RGS19: variants seen among roughly 807,000 people sequenced by gnomAD.
RGS19 encodes regulator of G protein signaling 19, also known as G alpha interacting protein.
In RGS19, 9 loss-of-function variants were observed where a neutral mutation model predicts 22.0. The observed-to-expected ratio is 0.41, with a 90% CI of 0.25 to 0.71. The LOEUF is 0.71. RGS19 is among the 30% of genes least tolerant of loss of function. The probability of loss-of-function intolerance (pLI) is 0.32; values close to 1 mark genes in which losing one functional copy is unlikely to be tolerated. For synonymous variants in RGS19, 130 were observed against 127.3 expected (o/e 1.02, Z -0.14); for missense variants, 256 against 307.1 (o/e 0.83, Z 1.24).
In RGS19 at chr20:64,074,392, G is replaced by T; in HGVS notation, c.228-14C>A. On this transcript the variant is annotated splice_polypyrimidine_tract_variant and intron_variant, in intron 4 of 5. Transcript: ENST00000395042. ...CTTGGCGTGGCACTGTGGGCACGGG[G>T]GCCAGGCTATGTCAGGCCCGAGTCT... is the stretch of plus-strand genomic sequence containing the variant. The T allele has an allele frequency of 6.3e-7, 1 of 1,598,546 alleles. No homozygotes were observed.
In RGS19 at chr20:64,074,643, C is replaced by T; in HGVS notation, c.153-102G>A. On this transcript the variant is annotated intron_variant, in intron 3 of 5. Transcript: ENST00000395042. Reference sequence around the variant, plus strand: ...GGCACCTGACACACATGGGCACCCACTGCAGGAGGGCAGCCCCTGCAGGCA... The same window carrying T: ...GGCACCTGACACACATGGGCACCCATTGCAGGAGGGCAGCCCCTGCAGGCA... 6 of 1,140,050 alleles carry T rather than the reference C, an allele frequency of 5.3e-6. No homozygotes were observed. In the South Asian group the frequency reaches 9.2e-5, roughly 17 times the overall value. The allele number at this position is 1,140,050 out of a possible 1,614,324, so 70.6% of individuals were successfully genotyped here. A position where few individuals can be genotyped will look rare whatever the true frequency, so the allele number is the denominator to read the frequency against.
Position 64,076,510 on chromosome 20 carries a change from C to G in RGS19, c.152+15G>C. ...TCGACCCCCTCGCCAGCTGGGCACC[C>G]CAGGCCCTACTCACCAGGAGCAGCT... is the stretch of plus-strand genomic sequence containing the variant. On this transcript the variant is annotated intron_variant, in intron 3 of 5. Transcript: ENST00000395042. 6.2e-7 allele frequency: 1 copy of G among 1,612,614 alleles called. No individual in the cohort carries two copies.
chr20:64,076,972 G>T lies in RGS19; in HGVS notation c.-68-18C>A. ...CTGGGGGTCTGGGGAGAGGGGCCAA[G>T]GTTCTGACTGAGAACCTGAAACCCC... On this transcript the variant is annotated intron_variant, in intron 1 of 5. Coordinates refer to ENST00000395042, the MANE Select transcript of RGS19 (RefSeq NM_005873.3). The T allele has an allele frequency of 7.8e-7, 1 of 1,274,254 alleles. No homozygotes were observed. Among genetic ancestry groups the T allele is most frequent in the Non-Finnish European group, 1.0e-6 (1 of 954,412 alleles). 78.9% of individuals were successfully genotyped at this position (1,274,254 alleles called of 1,614,324 possible).
Position 64,075,837 on chromosome 20 carries a change from C to A in RGS19, c.152+688G>T, listed in dbSNP as rs1304989157. ...TGGGGTCTCTGTTCAAACGTCCCTC[C>A]ACCCCACACACTGTATGGGGTCTGT... is the stretch of plus-strand genomic sequence containing the variant. On this transcript the variant is annotated intron_variant, in intron 3 of 5. Transcript: ENST00000395042. This position sits in a 1 kb window ranked among gnomAD's most constrained non-coding sequence, Gnocchi z 4.6. Among the ~76,000 whole-genome samples, 5 of 152,060 alleles carry A rather than the reference C, an allele frequency of 3.3e-5. No individual in the cohort carries two copies. Among genetic ancestry groups the A allele is most frequent in the Non-Finnish European group, 5.9e-5 (4 of 67,990 alleles).
At chr20:64,078,971 G>T (rs538109121) in intron 1 of RGS19, among the ~76,000 whole-genome samples, 1 of 152,288 alleles carries the variant, frequency 6.6e-6, no homozygotes, top group African/African-American at 2.4e-5. Flanking sequence ...TCCAAAAAAA[G>T]AATAAGAAAA....
In RGS19 at chr20:64,075,903, C is replaced by T. The variant is rs73626428; in HGVS notation, c.152+622G>A. Among the ~76,000 whole-genome samples the T allele has an allele frequency of 7.4e-5, 11 of 149,528 alleles. No homozygotes were observed. The highest frequency in any genetic ancestry group is 4.2e-4 in the South Asian group (2 of 4,736). On this transcript the variant is annotated intron_variant, in intron 3 of 5. Transcript: ENST00000395042. The surrounding 1 kb of genome is among the most constrained non-coding windows in gnomAD (Gnocchi z 4.6). Reference sequence around the variant, plus strand: ...TTTCTTTCTTTTTTTTTTTTTGAGACGGAGTTTTGCTCTTGTTGCCCAGGC... The same window carrying T: ...TTTCTTTCTTTTTTTTTTTTTGAGATGGAGTTTTGCTCTTGTTGCCCAGGC...
chr20:64,074,927 C>T (rs185557872), intron 3 of RGS19, among the ~76,000 whole-genome samples: 1 of 152,354 alleles, frequency 6.6e-6, no homozygotes, highest in East Asian at 1.9e-4. Context: ...CCTCCTCCAC[C>T]CACCCATGCC....
Position 64,073,550 on chromosome 20 carries a change from AC to A in RGS19, c.*302del, listed in dbSNP as rs902360613. On this transcript the variant is annotated 3_prime_UTR_variant, in exon 6 of 6. Transcript: ENST00000395042. ...TGGGTCCAGCATGGCTCCTGGGGGG[AC>A]CCCTACTCTCACCACGCAAGAGCCC... The A allele has an allele frequency of 3.0e-6, 1 of 330,384 alleles. No individual in the cohort carries two copies. Among genetic ancestry groups the A allele is most frequent in the Admixed American group, 4.6e-5 (1 of 21,964 alleles). 20.5% of individuals were successfully genotyped at this position (330,384 alleles called of 1,614,324 possible). A position where few individuals can be genotyped will look rare whatever the true frequency, so the allele number is the denominator to read the frequency against.
At position 64,076,335 on chromosome 20, in the gene RGS19, T is replaced by C. The variant is rs113247794; in HGVS notation, c.152+190A>G. 9.0e-3 allele frequency among the ~76,000 whole-genome samples: 1,374 copies of C among 152,294 alleles called. 20 individuals carry two copies. The highest frequency in any genetic ancestry group is 0.031 in the African/African-American group (1,272 of 41,562). ...ACAGGTACGAGAGCCATACATGAGC[T>C]CCCTGGGGCCAAGGCACCGGCCACT... On this transcript the variant is annotated intron_variant, in intron 3 of 5. Transcript: ENST00000395042.
rs571052085 is a variant in RGS19 at position 64,075,467 on chromosome 20, G to C, written c.153-926C>G. ...GCTGGCAGACATCGTGCACCCAAAC[G>C]TCCTGACAGAACTAGGCCCCTGGGC... is the stretch of plus-strand genomic sequence containing the variant. On this transcript the variant is annotated intron_variant, in intron 3 of 5. Transcript: ENST00000395042. This position sits in a 1 kb window ranked among gnomAD's most constrained non-coding sequence, Gnocchi z 4.6. Among the ~76,000 whole-genome samples the C allele has an allele frequency of 6.6e-6, 1 of 152,134 alleles. No individual in the cohort carries two copies. The highest frequency in any genetic ancestry group is 1.5e-5 in the Non-Finnish European group (1 of 68,004).
chr20:64,076,473 G>T (rs1156745665), intron 3 of RGS19, 52 bp downstream of exon 3: 2 of 1,605,340 alleles, frequency 1.2e-6, no homozygotes, highest in East Asian at 4.5e-5. Context: ...GGGTCTGCTT[G>T]GCCCCATGCC....
In RGS19 at chr20:64,075,649, G is replaced by A. The variant is rs1167058480; in HGVS notation, c.152+876C>T. On this transcript the variant is annotated intron_variant, in intron 3 of 5. Transcript: ENST00000395042. The surrounding 1 kb of genome is among the most constrained non-coding windows in gnomAD (Gnocchi z 4.6). The stretch of plus-strand genomic sequence containing the variant: ...CTGCAAGGTGTGAAAACATCCACCA[G>A]CTCCCCTACACTCCTAGGAAATCTG... Among the ~76,000 whole-genome samples, 1 of 151,982 alleles carries A rather than the reference G, an allele frequency of 6.6e-6. No individual in the cohort carries two copies. Among genetic ancestry groups the A allele is most frequent in the African/African-American group, 2.4e-5 (1 of 41,370 alleles).
Position 64,076,661 on chromosome 20 carries a change from G to C in RGS19, c.31-15C>G. The C allele has an allele frequency of 6.3e-7, 1 of 1,590,294 alleles. No individual in the cohort carries two copies. The highest frequency in any genetic ancestry group is 8.6e-7 in the Non-Finnish European group (1 of 1,167,506). On this transcript the variant is annotated splice_polypyrimidine_tract_variant and intron_variant, in intron 2 of 5. Coordinates refer to ENST00000395042, the MANE Select transcript of RGS19 (RefSeq NM_005873.3). Reference sequence around the variant, plus strand: ...GGCCCTGTGATCTGGGGAAAAGTGGGGCTACCTCAGCTTTCAGGTCAGAAC... The same window carrying C: ...GGCCCTGTGATCTGGGGAAAAGTGGCGCTACCTCAGCTTTCAGGTCAGAAC...
In RGS19 at chr20:64,075,949, T is replaced by G. The variant is rs1164706832; in HGVS notation, c.152+576A>C. On this transcript the variant is annotated intron_variant, in intron 3 of 5. Coordinates refer to ENST00000395042, the MANE Select transcript of RGS19 (RefSeq NM_005873.3). The surrounding 1 kb of genome is among the most constrained non-coding windows in gnomAD (Gnocchi z 4.6). ...CAGGCTGGAGTGCAATGACGCGATC[T>G]CGGCTCAACGCAACCTCCGCCTCCC... Among the ~76,000 whole-genome samples the G allele has an allele frequency of 6.6e-6, 1 of 151,912 alleles. No homozygotes were observed. The highest frequency in any genetic ancestry group is 1.5e-5 in the Non-Finnish European group (1 of 67,968).
In RGS19 at chr20:64,075,248, C is replaced by T. The variant is rs2059896086; in HGVS notation, c.153-707G>A. Among the ~76,000 whole-genome samples the T allele has an allele frequency of 6.6e-6, 1 of 152,240 alleles. No homozygotes were observed. Among genetic ancestry groups the T allele is most frequent in the South Asian group, 2.1e-4 (1 of 4,832 alleles). ...ACCGATGGGGTCACACGCTGCAGGT[C>T]TGGCGTGTCAGCAGTGTCTCTCGTC... On this transcript the variant is annotated intron_variant, in intron 3 of 5. Transcript: ENST00000395042. The surrounding 1 kb of genome is among the most constrained non-coding windows in gnomAD (Gnocchi z 4.6).
In RGS19 at chr20:64,073,788, C is replaced by T. The variant is rs1411234857; in HGVS notation, c.*65G>A. The T allele has an allele frequency of 1.1e-5, 16 of 1,434,988 alleles. No individual in the cohort carries two copies. The highest frequency in any genetic ancestry group is 1.9e-5 in the Admixed American group (1 of 51,336). The allele number at this position is 1,434,988 out of a possible 1,614,324, so 88.9% of individuals were successfully genotyped here. A position where few individuals can be genotyped will look rare whatever the true frequency, so the allele number is the denominator to read the frequency against. ...TGTGCCCTGACAGCCCTGCCGACAA[C>T]AACACCTGAAGGGAACCCAGAGTCG... On this transcript the variant is annotated 3_prime_UTR_variant, in exon 6 of 6. Transcript: ENST00000395042.
rs1412304673 is a variant in RGS19, at chr20:64,076,913, TC to T, written c.-28del. ...GGTGGGCGGAGGAGGTTGCCCAGGCTCCGTGGTACCAGCTCTCAGACCCTCA... is the reference window on the plus strand; with the variant it reads ...GGTGGGCGGAGGAGGTTGCCCAGGCTCGTGGTACCAGCTCTCAGACCCTCA... On this transcript the variant is annotated 5_prime_UTR_variant, in exon 2 of 6. Transcript: ENST00000395042. 6.6e-7 allele frequency: 1 copy of T among 1,508,078 alleles called. No individual in the cohort carries two copies. Among genetic ancestry groups the T allele is most frequent in the South Asian group, 1.3e-5 (1 of 74,386 alleles). The allele number at this position is 1,508,078 out of a possible 1,614,324, so 93.4% of individuals were successfully genotyped here.
In RGS19 at chr20:64,075,659, A is replaced by G. The variant is rs1234828362; in HGVS notation, c.152+866T>C. 6.6e-6 allele frequency among the ~76,000 whole-genome samples: 1 copy of G among 151,044 alleles called. No homozygotes were observed. The highest frequency in any genetic ancestry group is 1.5e-5 in the Non-Finnish European group (1 of 67,718). ...TGAAAACATCCACCAGCTCCCCTAC[A>G]CTCCTAGGAAATCTGTTACCATCTG... On this transcript the variant is annotated intron_variant, in intron 3 of 5. Transcript: ENST00000395042. This position sits in a 1 kb window ranked among gnomAD's most constrained non-coding sequence, Gnocchi z 4.6.
Position 64,073,801 on chromosome 20 carries a change from G to A in RGS19, c.*52C>T. On this transcript the variant is annotated 3_prime_UTR_variant, in exon 6 of 6. Coordinates refer to ENST00000395042, the MANE Select transcript of RGS19 (RefSeq NM_005873.3). ...CCCTGCCGACAACAACACCTGAAGGGAACCCAGAGTCGGCCGTAGGAGGCG... is the reference window on the plus strand; with the variant it reads ...CCCTGCCGACAACAACACCTGAAGGAAACCCAGAGTCGGCCGTAGGAGGCG... 1.3e-6 allele frequency: 2 copies of A among 1,493,984 alleles called. No individual in the cohort carries two copies. Among genetic ancestry groups the A allele is most frequent in the Non-Finnish European group, 1.8e-6 (2 of 1,100,752 alleles). The allele number at this position is 1,493,984 out of a possible 1,614,324, so 92.5% of individuals were successfully genotyped here. A position where few individuals can be genotyped will look rare whatever the true frequency, so the allele number is the denominator to read the frequency against.
Sources: gnomAD v4.1 joint callset for allele counts (sites outside exome capture counted in the v4.1 genomes callset) on GRCh38, gnomAD v4.1.1 for gene constraint, Gnocchi (gnomAD v3.1) non-coding constraint, MANE v1.5 for transcripts, NCBI Gene and HGNC (gene_info 2026-07-23, HGNC 2026-07-21) for gene names.